The following GUCY1A2 variants were observed in gnomAD, a reference collection of about 807,000 sequenced individuals.
GUCY1A2 encodes the protein guanylate cyclase 1 soluble subunit alpha 2.
A neutral mutation model predicts 63.5 loss-of-function variants in GUCY1A2; 27 were observed. That is an observed-to-expected ratio of 0.43 (90% CI 0.31 to 0.59). GUCY1A2 has a LOEUF of 0.59. Ranked by LOEUF, GUCY1A2 falls within the 20% of genes least tolerant of loss-of-function variation. GUCY1A2 has a pLI of 0.11. For missense variants in GUCY1A2, 768 were observed against 913.3 expected, an observed-to-expected ratio of 0.84 and a Z score of 2.05; for synonymous variants, 364 against 343.5, an observed-to-expected ratio of 1.06 and a Z score of -0.66.
rs1862425489 is a variant in GUCY1A2, at chr11:106,681,129, A to T, written c.*6420T>A. ...AATCTGAAAGCTTTAGTGTTTTTTC[A>T]GTATTACTGAATAATCATTTTCAGA... On this transcript the variant is annotated 3_prime_UTR_variant, in exon 8 of 8. Coordinates refer to ENST00000526355, the MANE Select transcript of GUCY1A2 (RefSeq NM_000855.3). 4.7e-6 allele frequency: 1 copy of T among 211,820 alleles called. No individual in the cohort carries two copies. The highest frequency in any genetic ancestry group is 2.3e-5 in the African/African-American group (1 of 44,212). 13.1% of individuals were successfully genotyped at this position (211,820 alleles called of 1,614,324 possible). A position where few individuals can be genotyped will look rare whatever the true frequency, so the allele number is the denominator to read the frequency against.
intron 7 of GUCY1A2, among the ~76,000 whole-genome samples, chr11:106,694,812 G>A (rs900142358): frequency 6.6e-6 from 1 of 152,102 alleles, no homozygotes; most frequent in Non-Finnish European, 1.5e-5. Context: ...TATTTTATGG[G>A]TATCATTTCA....
intron 4 of GUCY1A2, among the ~76,000 whole-genome samples, chr11:106,862,929 T>C (rs987345272): frequency 6.6e-6 from 1 of 152,084 alleles, no homozygotes; most frequent in South Asian, 2.1e-4. Context: ...ATGCTATGCT[T>C]TGTAAACTAA....
intron 4 of GUCY1A2, chr11:106,823,960 G>T: frequency 3.8e-6 from 2 of 532,644 alleles, no homozygotes; most frequent in South Asian, 5.1e-5. Context: ...TCAAGTCAAT[G>T]TATTAAAAAT....
chr11:106,979,564 G>A (rs1358041691), intron 2 of GUCY1A2, among the ~76,000 whole-genome samples: 1 of 151,964 alleles, frequency 6.6e-6, no homozygotes, highest in Non-Finnish European at 1.5e-5. Context: ...GAGATCTTGA[G>A]CAAGTAACCT....
At chr11:106,967,577 G>GA (rs1469559794) in intron 3 of GUCY1A2, among the ~76,000 whole-genome samples, 6 of 151,956 alleles carry the variant, frequency 3.9e-5, no homozygotes, top group East Asian at 3.9e-4. Context: ...GAGAAAATCA[G>GA]AAAAAAATAT....
intron 4 of GUCY1A2, among the ~76,000 whole-genome samples, chr11:106,905,580 G>A (rs571962825): frequency 1.8e-4 from 27 of 152,140 alleles, no homozygotes; most frequent in African/African-American, 6.3e-4. Flanking sequence ...TTAGAGAATT[G>A]GGATCAAGCA....
At chr11:106,726,429 A>C (rs1378191993) in intron 6 of GUCY1A2, among the ~76,000 whole-genome samples, 1 of 152,122 alleles carries the variant, frequency 6.6e-6, no homozygotes, top group East Asian at 1.9e-4. Flanking sequence ...AACAAAACAA[A>C]AACAAAAACC....
intron 5 of GUCY1A2, among the ~76,000 whole-genome samples, chr11:106,801,284 T>G (rs906358741): frequency 6.6e-6 from 1 of 152,128 alleles, no homozygotes; most frequent in African/African-American, 2.4e-5. Flanking sequence ...AACAAGGACC[T>G]TTGGCTCATA....
chr11:106,853,347 A>T (rs969547202), intron 4 of GUCY1A2, among the ~76,000 whole-genome samples: 146 of 151,894 alleles, frequency 9.6e-4, no homozygotes, highest in African/African-American at 3.4e-3. Flanking sequence ...GCTTTTTAAA[A>T]TTTTTTTGGT....
At chr11:106,740,099 A>C (rs1316950119) in intron 6 of GUCY1A2, among the ~76,000 whole-genome samples, 1 of 151,490 alleles carries the variant, frequency 6.6e-6, no homozygotes, top group Non-Finnish European at 1.5e-5. Flanking sequence ...CCCAGGTTCA[A>C]GTGATTCTCC....
In GUCY1A2 at chr11:106,994,061, C is replaced by T. The variant is rs572951884; in HGVS notation, c.304-7930G>A. Among the ~76,000 whole-genome samples, 10 of 152,230 alleles carry T rather than the reference C, an allele frequency of 6.6e-5. No homozygotes were observed. In the South Asian group the frequency reaches 1.0e-3, roughly 16 times the overall value. On this transcript the variant is annotated intron_variant, in intron 1 of 7. Coordinates refer to ENST00000526355, the MANE Select transcript of GUCY1A2 (RefSeq NM_000855.3). The stretch of plus-strand genomic sequence containing the variant: ...TTTTTCCAGTCTTCATTTTATTCTC[C>T]TTGTGAACACAGGTATATATTTGCA...
intron 4 of GUCY1A2, among the ~76,000 whole-genome samples, chr11:106,902,007 G>C (rs568691071): frequency 9.2e-5 from 14 of 152,224 alleles, no homozygotes; most frequent in African/African-American, 3.4e-4. Flanking sequence ...ACCCACCAGA[G>C]GAATCACTAT....
At chr11:106,758,973 A>G (rs1285039614) in intron 6 of GUCY1A2, among the ~76,000 whole-genome samples, 1 of 152,124 alleles carries the variant, frequency 6.6e-6, no homozygotes, top group African/African-American at 2.4e-5. Flanking sequence ...GTCTTCTAGC[A>G]TTTCATTTAG....
At chr11:106,841,868 CT>C (rs568811037) in intron 4 of GUCY1A2, among the ~76,000 whole-genome samples, 296 of 151,910 alleles carry the variant, frequency 1.9e-3, no homozygotes, top group African/African-American at 6.6e-3. Flanking sequence ...ACTTTACTAC[CT>C]TTTTTTTCCT....
chr11:106,956,465 C>T (rs1286177536), intron 3 of GUCY1A2, among the ~76,000 whole-genome samples: 6 of 151,936 alleles, frequency 3.9e-5, no homozygotes, highest in Non-Finnish European at 8.8e-5. Context: ...TTGTGGAGGC[C>T]TTTTTGTTGT....
chr11:106,945,583 C>T (rs1232920965), intron 3 of GUCY1A2, among the ~76,000 whole-genome samples: 1 of 152,132 alleles, frequency 6.6e-6, no homozygotes, highest in Non-Finnish European at 1.5e-5. Flanking sequence ...TACATACATA[C>T]AAATGTCCAC....
At chr11:106,967,149 T>A (rs1197843795) in intron 3 of GUCY1A2, among the ~76,000 whole-genome samples, 1 of 152,144 alleles carries the variant, frequency 6.6e-6, no homozygotes, top group Non-Finnish European at 1.5e-5. Context: ...AGAGTCAGGA[T>A]CATTTGTCAC....
intron 4 of GUCY1A2, among the ~76,000 whole-genome samples, chr11:106,833,801 C>T (rs1392617126): frequency 6.6e-6 from 1 of 151,972 alleles, no homozygotes; most frequent in African/African-American, 2.4e-5. Flanking sequence ...CAATTCTCTA[C>T]TTTCCCTTCA....
At chr11:106,798,318 C>T (rs1346512774) in intron 5 of GUCY1A2, among the ~76,000 whole-genome samples, 6 of 152,050 alleles carry the variant, frequency 3.9e-5, no homozygotes, top group African/African-American at 9.7e-5. Context: ...GATTCACAGC[C>T]GAATTCTACC....
Sources: allele counts gnomAD v4.1 joint callset (sites outside exome capture counted in the v4.1 genomes callset), GRCh38; gene constraint gnomAD v4.1.1; transcripts MANE v1.5; gene names NCBI Gene and HGNC (gene_info 2026-07-23, HGNC 2026-07-21).